OTX1: variants seen among roughly 807,000 people sequenced by gnomAD.
The protein encoded by OTX1 is orthodenticle homeobox 1.
A neutral mutation model predicts 26.7 loss-of-function variants in OTX1; 7 were observed. That is an observed-to-expected ratio of 0.26 (90% confidence interval 0.15 to 0.49). The LOEUF is 0.49. Ranked by LOEUF, OTX1 falls within the 20% of genes least tolerant of loss-of-function variation. The pLI is 0.98. For synonymous variants in OTX1, 216 were observed against 212.8 expected, an observed-to-expected ratio of 1.01 and a Z score of -0.13; for missense variants, 414 against 483.8, an observed-to-expected ratio of 0.86 and a Z score of 1.35.
chr2:63,055,370 C>T lies in OTX1; in HGVS notation c.250-131C>T. On this transcript the variant is annotated intron_variant, in intron 4 of 4. Coordinates refer to ENST00000282549, the MANE Select transcript of OTX1 (RefSeq NM_014562.4). This position sits in a 1 kb window ranked among gnomAD's most constrained non-coding sequence, Gnocchi z 5.2. ...GGGCAGGGTCTGGCCAGGCCAGAGA[C>T]AGGAAGGGGCGGAGGCCTCGGTGAG... 1 of 969,560 alleles carries T rather than the reference C, an allele frequency of 1.0e-6. No homozygotes were observed. Among genetic ancestry groups the T allele is most frequent in the South Asian group, 1.7e-5 (1 of 59,648 alleles). 60.1% of individuals were successfully genotyped at this position (969,560 alleles called of 1,614,324 possible). A position where few individuals can be genotyped will look rare whatever the true frequency, so the allele number is the denominator to read the frequency against.
In OTX1 at chr2:63,055,963, C is replaced by T. The variant is rs1262431691; in HGVS notation, c.712C>T (p.Pro238Ser). ...GGSYGQGYPT[P>S]SSSYFGGVDC... ...CAGCTACGGCCAAGGCTACCCTACGCCCTCCTCTTCCTACTTTGGCGGCGT... is the reference window on the plus strand; with the variant it reads ...CAGCTACGGCCAAGGCTACCCTACGTCCTCCTCTTCCTACTTTGGCGGCGT... Residue 238 changes from proline (P) to serine (S), a missense_variant, in exon 5 of 5, where the codon CCC becomes TCC. Physicochemically the swap from Pro to Ser is moderately conservative, Grantham distance 74. Coordinates refer to ENST00000282549, the MANE Select transcript of OTX1 (RefSeq NM_014562.4). The surrounding 1 kb of genome is among the most constrained non-coding windows in gnomAD (Gnocchi z 5.2). 1 of 1,613,374 alleles carries T rather than the reference C, an allele frequency of 6.2e-7. No homozygotes were observed. The highest frequency in any genetic ancestry group is 1.3e-5 in the African/African-American group (1 of 74,934).
upstream of OTX1, chr2:63,050,267 C>G (rs956373672): frequency 2.6e-5 from 4 of 152,216 alleles, no homozygotes; most frequent in African/African-American, 9.6e-5. Context: ...TAGCCTGCGC[C>G]GGCACGAGCA....
At chr2:63,053,311 C>G (rs1050180963) in intron 3 of OTX1, 16 of 442,968 alleles carry the variant, frequency 3.6e-5, no homozygotes, top group African/African-American at 6.2e-5. Flanking sequence ...TGCGCCTTCC[C>G]GGCCGGATCA....
At position 63,055,585 on chromosome 2, in the gene OTX1, T is replaced by C. The variant is rs146221955; in HGVS notation, c.334T>C (p.Ser112Pro). Residue 112 changes from serine (S) to proline (P), a missense_variant, in exon 5 of 5, where the codon TCC (serine) becomes CCC (proline). Ser to Pro is a moderately conservative substitution (Grantham distance 74). This residue lies in a region of OTX1 where 320 missense variants were observed against 347.9 expected (regional missense o/e 0.92). Coordinates refer to ENST00000282549, the MANE Select transcript of OTX1 (RefSeq NM_014562.4). This position sits in a 1 kb window ranked among gnomAD's most constrained non-coding sequence, Gnocchi z 5.2. ...GTKSRPAKKK[S>P]SPVRESSGSE... ...CAAGAGCCGCCCAGCCAAGAAGAAG[T>C]CCTCTCCAGTGCGGGAGAGCTCGGG... The C allele has an allele frequency of 9.9e-6, 16 of 1,613,822 alleles. No individual in the cohort carries two copies. The highest frequency in any genetic ancestry group is 1.4e-5 in the Non-Finnish European group (16 of 1,179,980).
rs1383474317 is a variant in OTX1 at position 63,056,070 on chromosome 2, G to A, written c.819G>A (p.Ala273=). 4 of 1,613,118 alleles carry A rather than the reference G, an allele frequency of 2.5e-6. No homozygotes were observed. Among genetic ancestry groups the A allele is most frequent in the African/African-American group, 1.3e-5 (1 of 74,818 alleles). The part of the protein sequence containing the change: ...QLSPMAPSSM[A]GHHHHHPHAH... ...GCCCCATGGCACCCTCCTCCATGGCGGGCCACCATCATCACCACCCACATG... is the reference window on the plus strand; with the variant it reads ...GCCCCATGGCACCCTCCTCCATGGCAGGCCACCATCATCACCACCCACATG... The change falls in exon 5 of 5, where the codon GCG becomes GCA. Residue 273 remains alanine, a synonymous_variant. Coordinates refer to ENST00000282549, the MANE Select transcript of OTX1 (RefSeq NM_014562.4).
chr2:63,053,222 A>G, intron 3 of OTX1, 135 bp downstream of exon 3: 1 of 598,446 alleles, frequency 1.7e-6, no homozygotes, highest in Non-Finnish European at 2.8e-6. Flanking sequence ...CTGTCTGTTT[A>G]CAATACAGGG....
intron 4 of OTX1, 142 bp downstream of exon 4, chr2:63,054,340 C>A: frequency 2.5e-6 from 2 of 793,646 alleles, no homozygotes; most frequent in Middle Eastern, 4.0e-4. Flanking sequence ...TCGGACTCCC[C>A]CTAGCGCTGG....
chr2:63,052,160 C>T (rs969631425), intron 2 of OTX1: 3 of 152,432 alleles, frequency 2.0e-5, no homozygotes, highest in African/African-American at 7.2e-5. Context: ...ACGCTGGCCG[C>T]AGCTGAGGCG....
chr2:63,055,163 A>G lies in OTX1; in HGVS notation c.250-338A>G, dbSNP rs927736231. ...ACACGGGGCCTCCAAACATACACGG[A>G]AGCAGCCAACAGCAGCAATTTAGAG... On this transcript the variant is annotated intron_variant, in intron 4 of 4. Coordinates refer to ENST00000282549, the MANE Select transcript of OTX1 (RefSeq NM_014562.4). The surrounding 1 kb of genome is among the most constrained non-coding windows in gnomAD (Gnocchi z 5.2). Among the ~76,000 whole-genome samples, 6 of 152,256 alleles carry G rather than the reference A, an allele frequency of 3.9e-5. No individual in the cohort carries two copies. Among genetic ancestry groups the G allele is most frequent in the Non-Finnish European group, 8.8e-5 (6 of 68,046 alleles).
chr2:63,055,415 G>T lies in OTX1; in HGVS notation c.250-86G>T. 1 of 1,408,442 alleles carries T rather than the reference G, an allele frequency of 7.1e-7. No homozygotes were observed. The highest frequency in any genetic ancestry group is 1.3e-5 in the South Asian group (1 of 75,322). The allele number at this position is 1,408,442 out of a possible 1,614,324, so 87.2% of individuals were successfully genotyped here. On this transcript the variant is annotated intron_variant, in intron 4 of 4. Coordinates refer to ENST00000282549, the MANE Select transcript of OTX1 (RefSeq NM_014562.4). This position sits in a 1 kb window ranked among gnomAD's most constrained non-coding sequence, Gnocchi z 5.2. ...GGTGAGAAAGGATTGCGATATTCTG[G>T]ACCGGGAGTTGGGTCCGCGGGGCGG...
chr2:63,055,381 G>C lies in OTX1; in HGVS notation c.250-120G>C, dbSNP rs533112943. 2 of 1,079,792 alleles carry C rather than the reference G, an allele frequency of 1.9e-6. No homozygotes were observed. Among genetic ancestry groups the C allele is most frequent in the Admixed American group, 5.1e-5 (2 of 39,010 alleles). The allele number at this position is 1,079,792 out of a possible 1,614,324, so 66.9% of individuals were successfully genotyped here. Reference sequence around the variant, plus strand: ...GGCCAGGCCAGAGACAGGAAGGGGCGGAGGCCTCGGTGAGAAAGGATTGCG... The same window carrying C: ...GGCCAGGCCAGAGACAGGAAGGGGCCGAGGCCTCGGTGAGAAAGGATTGCG... On this transcript the variant is annotated intron_variant, in intron 4 of 4. Transcript: ENST00000282549. This position sits in a 1 kb window ranked among gnomAD's most constrained non-coding sequence, Gnocchi z 5.2.
chr2:63,055,740 G>T lies in OTX1; in HGVS notation c.489G>T (p.Ala163=). The change falls in exon 5 of 5, where the codon GCG becomes GCT. Residue 163 remains alanine (A), a synonymous_variant. Coordinates refer to ENST00000282549, the MANE Select transcript of OTX1 (RefSeq NM_014562.4). This position sits in a 1 kb window ranked among gnomAD's most constrained non-coding sequence, Gnocchi z 5.2. ...AAAGLGGNPV[A]AASSLSTPAA... is the part of the protein sequence containing the mutation. ...CGGGACTAGGTGGGAACCCGGTGGCGGCCGCGTCGTCGCTGAGTACACCAG... is the reference window on the plus strand; with the variant it reads ...CGGGACTAGGTGGGAACCCGGTGGCTGCCGCGTCGTCGCTGAGTACACCAG... 1 of 1,612,440 alleles carries T rather than the reference G, an allele frequency of 6.2e-7. No individual in the cohort carries two copies. The highest frequency in any genetic ancestry group is 2.2e-5 in the East Asian group (1 of 44,852).
chr2:63,052,754 G>A, intron 2 of OTX1, 126 bp from the exon 3 acceptor site: 2 of 508,488 alleles, frequency 3.9e-6, no homozygotes, highest in East Asian at 3.7e-5. Flanking sequence ...CTGGGCTAAG[G>A]CCTTGTGGAT....
chr2:63,053,372 A>T, intron 3 of OTX1: 1 of 376,654 alleles, frequency 2.7e-6, no homozygotes, highest in East Asian at 4.3e-5. Context: ...GAGCTCATTT[A>T]CTTGCGGATT....
At chr2:63,052,666 C>T (rs1215438098) in intron 2 of OTX1, among the ~76,000 whole-genome samples, 1 of 152,210 alleles carries the variant, frequency 6.6e-6, no homozygotes, top group East Asian at 1.9e-4. Flanking sequence ...TATGGACTCC[C>T]TACCAGTGTC....
At position 63,056,629 on chromosome 2, in the gene OTX1, T is replaced by C. The variant is rs760464215; in HGVS notation, c.*313T>C. On this transcript the variant is annotated 3_prime_UTR_variant, in exon 5 of 5. Coordinates refer to ENST00000282549, the MANE Select transcript of OTX1 (RefSeq NM_014562.4). ...ACTCTTAAGCCTCCCCTTCCAGTCT[T>C]TCTGGACAGCTATTAAGCACTTGCA... 2.5e-6 allele frequency: 1 copy of C among 403,016 alleles called. No individual in the cohort carries two copies. The highest frequency in any genetic ancestry group is 2.0e-5 in the African/African-American group (1 of 50,536). The allele number at this position is 403,016 out of a possible 1,614,324, so 25.0% of individuals were successfully genotyped here. A position where few individuals can be genotyped will look rare whatever the true frequency, so the allele number is the denominator to read the frequency against.
Position 63,056,417 on chromosome 2 carries a change from C to A in OTX1, c.*101C>A. Reference sequence around the variant, plus strand: ...CCGCCCGCCTTTGCCTCGTCTTCTCCAAAACTGAATTTTCACCCCCCAAAA... The same window carrying A: ...CCGCCCGCCTTTGCCTCGTCTTCTCAAAAACTGAATTTTCACCCCCCAAAA... On this transcript the variant is annotated 3_prime_UTR_variant, in exon 5 of 5. Coordinates refer to ENST00000282549, the MANE Select transcript of OTX1 (RefSeq NM_014562.4). 3.7e-6 allele frequency: 4 copies of A among 1,080,558 alleles called. No individual in the cohort carries two copies. Among genetic ancestry groups the A allele is most frequent in the African/African-American group, 1.6e-5 (1 of 63,120 alleles). The allele number at this position is 1,080,558 out of a possible 1,614,324, so 66.9% of individuals were successfully genotyped here. A position where few individuals can be genotyped will look rare whatever the true frequency, so the allele number is the denominator to read the frequency against.
rs1057314880 is a variant in OTX1 at position 63,056,718 on chromosome 2, G to C, written c.*402G>C. The C allele has an allele frequency of 5.0e-6, 1 of 199,732 alleles. No individual in the cohort carries two copies. Among genetic ancestry groups the C allele is most frequent in the African/African-American group, 2.3e-5 (1 of 43,546 alleles). The allele number at this position is 199,732 out of a possible 1,614,324, so 12.4% of individuals were successfully genotyped here. A position where few individuals can be genotyped will look rare whatever the true frequency, so the allele number is the denominator to read the frequency against. On this transcript the variant is annotated 3_prime_UTR_variant, in exon 5 of 5. Coordinates refer to ENST00000282549, the MANE Select transcript of OTX1 (RefSeq NM_014562.4). Reference sequence around the variant, plus strand: ...CCAACACTTTAATTTATTCTTTCTGGACACTGGAGTCACTAACTGGCGTGT... The same window carrying C: ...CCAACACTTTAATTTATTCTTTCTGCACACTGGAGTCACTAACTGGCGTGT...
In OTX1 at chr2:63,053,942, T is replaced by A. The variant is rs752100915; in HGVS notation, c.98-105T>A. 1.2e-5 allele frequency: 17 copies of A among 1,360,108 alleles called. No homozygotes were observed. In the Admixed American group the frequency reaches 2.6e-4, roughly 21 times the overall value. 84.3% of individuals were successfully genotyped at this position (1,360,108 alleles called of 1,614,324 possible). The stretch of plus-strand genomic sequence containing the variant: ...TTCTTTTATTCCCAGTTCGGCTTTC[T>A]TTTGCGAAGGCCGAGATCTGGGCCT... On this transcript the variant is annotated intron_variant, in intron 3 of 4. Coordinates refer to ENST00000282549, the MANE Select transcript of OTX1 (RefSeq NM_014562.4).
Sources: allele counts gnomAD v4.1 joint callset (sites outside exome capture counted in the v4.1 genomes callset), GRCh38; gene constraint gnomAD v4.1.1; regional missense constraint gnomAD v4.1.1; non-coding constraint Gnocchi (gnomAD v3.1); transcripts MANE v1.5; gene names NCBI Gene and HGNC (gene_info 2026-07-23, HGNC 2026-07-21).